Variants in UNC5D observed in about 807,000 individuals in gnomAD.
The protein encoded by UNC5D is unc-5 netrin receptor D.
Under a neutral mutation model 105.4 loss-of-function variants are expected in UNC5D, and 39 were observed. The observed-to-expected ratio is 0.37, with a 90% CI of 0.29 to 0.48. The LOEUF is 0.48. Ranked by LOEUF, UNC5D falls within the 20% of genes least tolerant of loss-of-function variation. The probability of loss-of-function intolerance (pLI) is 0.98; values close to 1 mark genes in which losing one functional copy is unlikely to be tolerated. For missense variants in UNC5D, 991 were observed against 1,202.4 expected, an observed-to-expected ratio of 0.82 and a Z score of 2.60; for synonymous variants, 452 against 450.4, an observed-to-expected ratio of 1.00 and a Z score of -0.04.
chr8:35,570,292 A>G (rs1034304073), intron 3 of UNC5D, among the ~76,000 whole-genome samples: 6 of 152,164 alleles, frequency 3.9e-5, no homozygotes, highest in African/African-American at 1.2e-4. Context: ...TTGGTTTCCA[A>G]CTTCAGTTCT....
intron 4 of UNC5D, among the ~76,000 whole-genome samples, chr8:35,609,899 C>T (rs1233469581): frequency 1.3e-5 from 2 of 152,170 alleles, no homozygotes; most frequent in East Asian, 1.9e-4. Flanking sequence ...CTACTTGACA[C>T]ATTGAAAGTC....
chr8:35,382,272 T>G (rs894933234), intron 1 of UNC5D, among the ~76,000 whole-genome samples: 1 of 152,178 alleles, frequency 6.6e-6, no homozygotes, highest in African/African-American at 2.4e-5. Flanking sequence ...CCTACAGCGG[T>G]TGATGACATT....
chr8:35,717,295 G>T (rs768035124), intron 8 of UNC5D, among the ~76,000 whole-genome samples: 1 of 152,290 alleles, frequency 6.6e-6, no homozygotes, highest in South Asian at 2.1e-4. Flanking sequence ...ATATAGTTAA[G>T]GTCATAACAT....
intron 4 of UNC5D, among the ~76,000 whole-genome samples, chr8:35,610,054 T>C (rs1820570742): frequency 6.6e-6 from 1 of 152,178 alleles, no homozygotes; most frequent in Non-Finnish European, 1.5e-5. Context: ...GCTACCATTT[T>C]TGAAATGTTC....
intron 14 of UNC5D, among the ~76,000 whole-genome samples, chr8:35,761,807 G>A (rs1033197244): frequency 1.3e-5 from 2 of 152,104 alleles, no homozygotes; most frequent in Non-Finnish European, 2.9e-5. Flanking sequence ...TTGGCTTAAT[G>A]ACCATGCTGT....
At chr8:35,532,222 G>A (rs1481486388) in intron 1 of UNC5D, among the ~76,000 whole-genome samples, 2 of 150,692 alleles carry the variant, frequency 1.3e-5, no homozygotes, top group East Asian at 3.9e-4. Context: ...TCCTTCAGGA[G>A]GTCTTTTAGG....
intron 16 of UNC5D, among the ~76,000 whole-genome samples, chr8:35,776,981 T>C (rs1031155435): frequency 3.9e-5 from 6 of 152,026 alleles, no homozygotes; most frequent in African/African-American, 1.4e-4. Flanking sequence ...ATTAGCCGGG[T>C]GCGGTGGCTC....
At chr8:35,570,675 C>T (rs984487089) in intron 3 of UNC5D, among the ~76,000 whole-genome samples, 15 of 151,922 alleles carry the variant, frequency 9.9e-5, no homozygotes, top group Admixed American at 3.9e-4. Flanking sequence ...ACACTTAGCC[C>T]GGGCACGGTG....
chr8:35,435,231 T>C (rs1806929703), intron 1 of UNC5D, among the ~76,000 whole-genome samples: 1 of 152,100 alleles, frequency 6.6e-6, no homozygotes, highest in Admixed American at 6.6e-5. Flanking sequence ...TATAAACAGA[T>C]TAATCCAAGA....
intron 1 of UNC5D, among the ~76,000 whole-genome samples, chr8:35,385,558 C>T (rs981119922): frequency 4.6e-5 from 7 of 150,558 alleles, no homozygotes; most frequent in African/African-American, 9.8e-5. Context: ...CTCCACCTCC[C>T]GGACTCACGC....
At chr8:35,249,497 G>A (rs1803536217) in intron 1 of UNC5D, among the ~76,000 whole-genome samples, 2 of 150,878 alleles carry the variant, frequency 1.3e-5, no homozygotes, top group South Asian at 2.1e-4. Flanking sequence ...GGTGGAGGTT[G>A]CAGTGAACCG....
At chr8:35,499,850 A>G (rs1811856007) in intron 1 of UNC5D, among the ~76,000 whole-genome samples, 1 of 152,228 alleles carries the variant, frequency 6.6e-6, no homozygotes, top group Non-Finnish European at 1.5e-5. Flanking sequence ...AAAAACATCC[A>G]TGAATCATGC....
chr8:35,697,938 T>A lies in UNC5D; in HGVS notation c.1085-7991T>A, dbSNP rs562203871. Among the ~76,000 whole-genome samples the A allele has an allele frequency of 2.0e-5, 3 of 152,202 alleles. No individual in the cohort carries two copies. The East Asian group carries it at 5.8e-4, about 29-fold the overall frequency. ...TATCAGTTAAGTATTTTCTTAGTCA[T>A]CATAACAAACACTTCCCAAATCTCA... On this transcript the variant is annotated intron_variant, in intron 7 of 16. Transcript: ENST00000404895.
At chr8:35,597,312 A>C (rs764001990) in intron 4 of UNC5D, among the ~76,000 whole-genome samples, 1 of 152,164 alleles carries the variant, frequency 6.6e-6, no homozygotes, top group Non-Finnish European at 1.5e-5. Flanking sequence ...AATGTCAAAC[A>C]AAAAAGATAT....
chr8:35,391,600 A>G (rs1365390429), intron 1 of UNC5D, among the ~76,000 whole-genome samples: 2 of 152,226 alleles, frequency 1.3e-5, no homozygotes, highest in Non-Finnish European at 2.9e-5. Flanking sequence ...AACACGCTAA[A>G]TAGGAAAAAC....
At chr8:35,237,623 G>C (rs1802555548) in intron 1 of UNC5D, among the ~76,000 whole-genome samples, 1 of 152,130 alleles carries the variant, frequency 6.6e-6, no homozygotes, top group African/African-American at 2.4e-5. Context: ...TCTGCAAGCT[G>C]TTCTTTAAAG....
At chr8:35,511,410 G>T (rs1175561072) in intron 1 of UNC5D, among the ~76,000 whole-genome samples, 3 of 149,760 alleles carry the variant, frequency 2.0e-5, no homozygotes, top group African/African-American at 7.4e-5. Context: ...CAGGTGGGAG[G>T]ATCTCTTGAG....
At chr8:35,557,776 G>C (rs1816657173) in intron 2 of UNC5D, among the ~76,000 whole-genome samples, 1 of 151,860 alleles carries the variant, frequency 6.6e-6, no homozygotes, top group South Asian at 2.1e-4. Flanking sequence ...TCTCGTAGCA[G>C]CTTGTGCTTC....
intron 2 of UNC5D, among the ~76,000 whole-genome samples, chr8:35,566,583 G>A (rs75534246): frequency 0.013 from 1,989 of 152,280 alleles, 58 homozygotes; most frequent in African/African-American, 0.046. Context: ...GCTGGTTTTG[G>A]TGTGCGAACA....
Sources: allele counts gnomAD v4.1 joint callset (sites outside exome capture counted in the v4.1 genomes callset), GRCh38; gene constraint gnomAD v4.1.1; transcripts MANE v1.5; gene names NCBI Gene and HGNC (gene_info 2026-07-23, HGNC 2026-07-21).